Variants in G6PD observed in about 807,000 individuals in gnomAD.
G6PD encodes the protein glucose-6-phosphate dehydrogenase.
In G6PD, 2 loss-of-function variants were observed where a neutral mutation model predicts 38.2. That is an observed-to-expected ratio of 0.05 (90% CI 0.02 to 0.16). G6PD has a LOEUF of 0.16. G6PD is among the 10% of genes least tolerant of loss of function. G6PD has a pLI of 1.00. For missense variants in G6PD, 310 were observed against 471.6 expected (o/e 0.66, Z 3.17); for synonymous variants, 188 against 196.0 (o/e 0.96, Z 0.34).
intron 2 of G6PD, among the ~76,000 whole-genome samples, chrX:154,545,038 C>G (rs948041911): frequency 9.0e-6 from 1 of 111,517 alleles, no homozygotes; most frequent in Non-Finnish European, 1.9e-5. Context: ...AAACTGAGAC[C>G]ACGTGTAATT....
In G6PD at chrX:154,535,277, T is replaced by A. The variant is rs1050829; in HGVS notation, c.376A>T (p.Asn126Tyr). The change falls in exon 5 of 13, where the codon AAT becomes TAT. Residue 126 changes from asparagine to tyrosine, a missense_variant. Around this residue, in one of 4 missense-constraint regions of G6PD, gnomAD observed 96 missense variants for 93.3 expected, o/e 1.03. Transcript: ENST00000393562. ...ASYQRLNSHM[N>Y]ALHLGSQANR... Reference sequence around the variant, plus strand: ...GCCTGTGACCCCAGGTGGAGGGCATTCATGTGGCTGTTGAGGCGCTGGTAG... The same window carrying A: ...GCCTGTGACCCCAGGTGGAGGGCATACATGTGGCTGTTGAGGCGCTGGTAG... 3.0e-5 allele frequency: 36 copies of A among 1,210,012 alleles called. No homozygotes were observed. The Admixed American group carries it at 7.6e-4, about 26-fold the overall frequency.
chrX:154,535,859 G>T, intron 4 of G6PD, 78 bp downstream of exon 4: 1 of 812,080 alleles, frequency 1.2e-6, no homozygotes, highest in Non-Finnish European at 1.8e-6. Context: ...GGGATGGGGG[G>T]AGGTCCCCGA....
rs145036913 is a variant in G6PD, at chrX:154,545,311, A to G, written c.120+725T>C. On this transcript the variant is annotated intron_variant, in intron 2 of 12. Coordinates refer to ENST00000393562, the MANE Select transcript of G6PD (RefSeq NM_001360016.2). ...AATTGAGGCAAAGAGACAGTGTTCA[A>G]AGAAAAGCTAAGTGTTTGTATCGAC... Among the ~76,000 whole-genome samples the G allele has an allele frequency of 3.5e-3, 396 of 112,280 alleles. 2 individuals are homozygous for G. Among genetic ancestry groups the G allele is most frequent in the African/African-American group, 0.012 (380 of 30,905 alleles).
intron 2 of G6PD, among the ~76,000 whole-genome samples, chrX:154,543,277 G>A (rs993363903): frequency 2.7e-5 from 3 of 112,727 alleles, no homozygotes; most frequent in Non-Finnish European, 5.6e-5. Context: ...GGAGAGCAAA[G>A]GGGAACCCTA....
chrX:154,544,999 TTCTTG>T (rs2070654168), intron 2 of G6PD, among the ~76,000 whole-genome samples: 1 of 111,811 alleles, frequency 8.9e-6, no homozygotes, highest in East Asian at 2.8e-4. Flanking sequence ...AGCAGAGAGA[TTCTTG>T]AGTGCATCCA....
In G6PD at chrX:154,536,298, C is replaced by G. The variant is rs781977617; in HGVS notation, c.121-120G>C. ...GATCACTACTGGGCCACAAGCATGT[C>G]TGTCTTGCCTGATATACAGACAGAA... is the stretch of plus-strand genomic sequence containing the variant. On this transcript the variant is annotated intron_variant, in intron 2 of 12. Transcript: ENST00000393562. The G allele has an allele frequency of 9.1e-6, 6 of 657,185 alleles. No homozygotes were observed. The South Asian group carries it at 1.6e-4, about 17-fold the overall frequency. The allele number at this position is 657,185 out of a possible 1,213,427, so 54.2% of individuals were successfully genotyped here. A position where few individuals can be genotyped will look rare whatever the true frequency, so the allele number is the denominator to read the frequency against.
rs1557229789 is a variant in G6PD at position 154,532,822 on chromosome X, G to A, written c.1052-20C>T. On this transcript the variant is annotated intron_variant, in intron 9 of 12. Transcript: ENST00000393562. ...GCACCCCTACGTGGCGGAAAGGGCA[G>A]CCTCAGCACCAGCTCTCTCAGGGTG... 2 of 1,206,051 alleles carry A rather than the reference G, an allele frequency of 1.7e-6. No homozygotes were observed. Among genetic ancestry groups the A allele is most frequent in the South Asian group, 1.8e-5 (1 of 56,604 alleles).
chrX:154,543,137 C>T (rs1233325587), intron 2 of G6PD, among the ~76,000 whole-genome samples: 1 of 112,016 alleles, frequency 8.9e-6, no homozygotes, highest in Non-Finnish European at 1.9e-5. Context: ...ATCTCCCCCA[C>T]AGCAGGAAGA....
intron 3 of G6PD, 30 bp from the exon 4 acceptor site, chrX:154,536,075 C>A (rs782293006): frequency 8.3e-7 from 1 of 1,204,983 alleles, no homozygotes. Context: ...GTAACCAGTG[C>A]GGGCAGGGCA....
At chrX:154,545,883 G>A in intron 2 of G6PD, 153 bp downstream of exon 2, 8 of 663,272 alleles carry the variant, frequency 1.2e-5, no homozygotes, top group Admixed American at 2.5e-5. Context: ...TGCACACCAG[G>A]TAGAGCCGGG....
intron 2 of G6PD, among the ~76,000 whole-genome samples, chrX:154,538,847 A>G (rs1489067866): frequency 9.1e-6 from 1 of 109,572 alleles, no homozygotes; most frequent in Non-Finnish European, 1.9e-5. Flanking sequence ...GAATCGCTTG[A>G]ACCAGGAGGG....
rs1258960910 is a variant in G6PD, at chrX:154,532,931, G to A, written c.1051+11C>T. On this transcript the variant is annotated intron_variant, in intron 9 of 12. Coordinates refer to ENST00000393562, the MANE Select transcript of G6PD (RefSeq NM_001360016.2). ...AGTTCTGCCTTGCTGGGCCTCGAAGGCATCACCTACCATCCCACCTCTCAT... is the reference window on the plus strand; with the variant it reads ...AGTTCTGCCTTGCTGGGCCTCGAAGACATCACCTACCATCCCACCTCTCAT... 7.4e-6 allele frequency: 9 copies of A among 1,210,365 alleles called. No homozygotes were observed. Among genetic ancestry groups the A allele is most frequent in the Non-Finnish European group, 1.0e-5 (9 of 895,077 alleles).
At chrX:154,543,048 G>A (rs986560574) in intron 2 of G6PD, among the ~76,000 whole-genome samples, 2 of 111,970 alleles carry the variant, frequency 1.8e-5, no homozygotes, top group South Asian at 3.7e-4. Context: ...CCTACCTCCC[G>A]CACCGAGTGA....
chrX:154,547,539 G>A (rs1468856671), upstream of G6PD: 2 of 754,017 alleles, frequency 2.7e-6, no homozygotes, highest in African/African-American at 4.6e-5. Flanking sequence ...CCCTACCGCG[G>A]CCTCACACTT....
chrX:154,540,906 G>A (rs2070487949), intron 2 of G6PD, among the ~76,000 whole-genome samples: 1 of 111,061 alleles, frequency 9.0e-6, no homozygotes, highest in African/African-American at 3.3e-5. Context: ...ACAGCGACAC[G>A]GACCTCTCAC....
chrX:154,535,094 A>C (rs1557230545), intron 5 of G6PD, 74 bp downstream of exon 5: 1 of 1,007,053 alleles, frequency 9.9e-7, no homozygotes, highest in Non-Finnish European at 1.4e-6. Flanking sequence ...GGCCCCGGAC[A>C]CGCTCATAGA....
chrX:154,532,169 G>A lies in G6PD; in HGVS notation c.1457+19C>T, dbSNP rs1557229460. 2.0e-5 allele frequency: 24 copies of A among 1,187,090 alleles called. No individual in the cohort carries two copies. Among genetic ancestry groups the A allele is most frequent in the Non-Finnish European group, 2.6e-5 (23 of 880,155 alleles). ...CCCTGCCCGCTGGGCTCTGTCCCCA[G>A]CCCCCACCCTTTCCTCACCTGCCAT... On this transcript the variant is annotated intron_variant, in intron 12 of 12. Coordinates refer to ENST00000393562, the MANE Select transcript of G6PD (RefSeq NM_001360016.2).
chrX:154,532,311 G>A (rs782805743), intron 11 of G6PD, 31 bp from the exon 12 acceptor site: 144 of 1,207,937 alleles, frequency 1.2e-4, no homozygotes, highest in Non-Finnish European at 1.4e-4. Flanking sequence ...TTGGGAGGCC[G>A]GTGGCACACA....
At chrX:154,543,910 C>G (rs782147404) in intron 2 of G6PD, among the ~76,000 whole-genome samples, 3 of 107,417 alleles carry the variant, frequency 2.8e-5, no homozygotes, top group East Asian at 5.8e-4. Flanking sequence ...CTCTGTCACC[C>G]AGGCTGGAAT....
Sources: allele counts gnomAD v4.1 joint callset (sites outside exome capture counted in the v4.1 genomes callset), GRCh38; gene constraint gnomAD v4.1.1; regional missense constraint gnomAD v4.1.1; transcripts MANE v1.5; gene names NCBI Gene and HGNC (gene_info 2026-07-23, HGNC 2026-07-21).